The following PTOV1 variants were observed in gnomAD, a reference collection of about 807,000 sequenced individuals.
PTOV1 encodes the protein prostate tumor-overexpressed gene 1 protein.
In PTOV1, 20 loss-of-function variants were observed where a neutral mutation model predicts 58.0. That is an observed-to-expected ratio of 0.34 (90% CI 0.24 to 0.50). The LOEUF (loss-of-function observed/expected upper bound fraction) is 0.50, where lower values mean the gene tolerates loss of function less well. Ranked by LOEUF, PTOV1 falls within the 20% of genes least tolerant of loss-of-function variation. PTOV1 has a pLI of 0.98. For missense variants in PTOV1, 593 were observed against 565.4 expected (o/e 1.05, Z -0.50); for synonymous variants, 335 against 234.2 (o/e 1.43, Z -3.93).
intron 2 of PTOV1, 41 bp from the exon 3 acceptor site, chr19:49,854,611 C>T (rs747312801): frequency 1.4e-5 from 23 of 1,612,996 alleles, no homozygotes; most frequent in Non-Finnish European, 1.9e-5. Flanking sequence ...CAGGCCAGGG[C>T]ATCTAGGCTG....
At chr19:49,859,822 C>G in intron 10 of PTOV1, 164 bp from the exon 11 acceptor site, 2 of 707,756 alleles carry the variant, frequency 2.8e-6, no homozygotes, top group African/African-American at 3.6e-5. Flanking sequence ...TCTTGGCCAC[C>G]GTGTCATCCC....
exon 12 of PTOV1, chr19:49,860,444 G>GT: frequency 1.8e-6 from 2 of 1,096,974 alleles, no homozygotes; most frequent in East Asian, 5.2e-5. Flanking sequence ...AGAGCAGAGG[G>GT]AGAGGCAGCA....
chr19:49,856,883 C>T (rs1373800430), intron 5 of PTOV1, 92 bp from the exon 6 acceptor site: 11 of 1,482,868 alleles, frequency 7.4e-6, no homozygotes, highest in African/African-American at 6.9e-5. Context: ...CGATGATCTC[C>T]CTTCATCCCC....
chr19:49,852,480 G>C (rs1333949792), intron 1 of PTOV1: 2 of 152,160 alleles, frequency 1.3e-5, no homozygotes, highest in Non-Finnish European at 2.9e-5. Context: ...TACTAGATGG[G>C]CTTCCCTGTG....
rs1026096033 is a variant in PTOV1 at position 49,858,171 on chromosome 19, G to C, written c.936+57G>C. Reference sequence around the variant, plus strand: ...CACGCAGTAGCTCTTCCAGAGGGCGGGGCTGGGGGCAAGAGCGCCTCCCCA... The same window carrying C: ...CACGCAGTAGCTCTTCCAGAGGGCGCGGCTGGGGGCAAGAGCGCCTCCCCA... On this transcript the variant is annotated intron_variant, in intron 9 of 11. Coordinates refer to ENST00000391842, the Ensembl canonical transcript of PTOV1. 35 of 1,583,826 alleles carry C rather than the reference G, an allele frequency of 2.2e-5. 1 individual carries two copies. In the Admixed American group the frequency reaches 5.9e-4, roughly 27 times the overall value.
chr19:49,860,377 C>G, exon 12 of PTOV1: 2 of 761,412 alleles, frequency 2.6e-6, no homozygotes, highest in African/African-American at 1.8e-5. Context: ...GACCCTGGGG[C>G]ATGTGGGGGG....
chr19:49,855,360 G>A (rs1333816360), intron 5 of PTOV1: 3 of 483,642 alleles, frequency 6.2e-6, no homozygotes, highest in African/African-American at 5.8e-5. Context: ...CAGCCCTGTT[G>A]GGGCCCAGGA....
At position 49,859,070 on chromosome 19, in the gene PTOV1, T is replaced by TCC. The variant is rs1261753390; in HGVS notation, c.1041+417_1041+418insCC. 3 of 160,450 alleles carry TCC rather than the reference T, an allele frequency of 1.9e-5. No individual in the cohort carries two copies. The East Asian group carries it at 5.3e-4, about 28-fold the overall frequency. 9.9% of individuals were successfully genotyped at this position (160,450 alleles called of 1,614,324 possible). A position where few individuals can be genotyped will look rare whatever the true frequency, so the allele number is the denominator to read the frequency against. On this transcript the variant is annotated intron_variant, in intron 10 of 11. Transcript: ENST00000391842. ...CTGGGGGAGGCTCAGCTGACTCCTC[T>TCC]TCTCTCTCTCGGGCTCAGTTTCTCC...
exon 1 of PTOV1, chr19:49,851,208 G>A: frequency 2.5e-6 from 3 of 1,198,136 alleles, no homozygotes; most frequent in Non-Finnish European, 3.1e-6. Context: ...CCCCGAGCTT[G>A]GTACGGCTCA....
intron 5 of PTOV1, 61 bp from the exon 6 acceptor site, chr19:49,856,914 G>T: frequency 6.3e-7 from 1 of 1,597,070 alleles, no homozygotes; most frequent in Non-Finnish European, 8.5e-7. Context: ...GCGGTCCAGG[G>T]TGGTGGGGGC....
chr19:49,858,243 C>G, intron 9 of PTOV1, 129 bp downstream of exon 9: 1 of 1,218,148 alleles, frequency 8.2e-7, no homozygotes, highest in Non-Finnish European at 1.1e-6. Context: ...GGTGCTGAAG[C>G]AGGTGTGGTG....
chr19:49,858,082 C>T (rs772389280), exon 9 of PTOV1: 16 of 1,614,000 alleles, frequency 9.9e-6, no homozygotes, highest in African/African-American at 1.3e-5. Context: ...GCCAAGGAAG[C>T]TGTACATGCA....
chr19:49,854,645 C>G lies in PTOV1; in HGVS notation c.310-7C>G, dbSNP rs770230641. 3.1e-6 allele frequency: 5 copies of G among 1,613,334 alleles called. No individual in the cohort carries two copies. The African/African-American group carries it at 5.3e-5, about 17-fold the overall frequency. ...TGTGCACAGTGACGCCCCTCCTGCC[C>G]CCACAGAAGCGCAGACCCTACTCTG... On this transcript the variant is annotated splice_polypyrimidine_tract_variant and splice_region_variant and intron_variant, in intron 2 of 11. Coordinates refer to ENST00000391842, the Ensembl canonical transcript of PTOV1.
intron 1 of PTOV1, chr19:49,852,568 C>T (rs1015503312): frequency 6.6e-6 from 1 of 152,202 alleles, no homozygotes; most frequent in African/African-American, 2.4e-5. Context: ...CCTTAACCGT[C>T]GTTTTTAAAT....
chr19:49,850,958 A>G, upstream of PTOV1: 2 of 1,535,416 alleles, frequency 1.3e-6, no homozygotes, highest in Non-Finnish European at 8.7e-7. Context: ...CCCATTCGGT[A>G]GGGGCTCCCG....
At chr19:49,860,471 G>C in exon 12 of PTOV1, 1 of 883,332 alleles carries the variant, frequency 1.1e-6, no homozygotes, top group East Asian at 2.7e-5. Flanking sequence ...GCGGTCCTAG[G>C]CTGTCGGGAA....
exon 12 of PTOV1, chr19:49,860,410 GGCGACCTTGGCCTTGGGGAGAGCAGA>G: frequency 7.4e-7 from 1 of 1,349,878 alleles, no homozygotes; most frequent in Non-Finnish European, 1.0e-6. Flanking sequence ...AAAGAAGCAG[GGCGACCTTGGCCTTGGGGAGAGCAGA>G]GCAGAGGGAG....
chr19:49,852,278 C>T (rs1206188012), intron 1 of PTOV1: 2 of 167,904 alleles, frequency 1.2e-5, no homozygotes, highest in Non-Finnish European at 2.4e-5. Flanking sequence ...CTGTGGCAGC[C>T]CTACTGAAAC....
At chr19:49,857,555 G>T (rs968833931) in intron 6 of PTOV1, 138 bp from the exon 7 acceptor site, 1 of 797,818 alleles carries the variant, frequency 1.3e-6, no homozygotes, top group Middle Eastern at 3.6e-4. Flanking sequence ...GGCAGGGCCT[G>T]TTCCCCTGGG....
Sources: gnomAD v4.1 joint callset for allele counts on GRCh38, gnomAD v4.1.1 for gene constraint, MANE v1.5 for transcripts, NCBI Gene and HGNC (gene_info 2026-07-23, HGNC 2026-07-21) for gene names.